Variants in CELF5 observed in about 807,000 individuals in gnomAD.
CELF5 encodes CUGBP Elav-like family member 5, also known as CUG-BP and ETR-3 like factor 5.
In CELF5, 6 loss-of-function variants were observed where a neutral mutation model predicts 54.9. That is an observed-to-expected ratio of 0.11 (90% CI 0.06 to 0.22). CELF5 has a LOEUF of 0.22. Among genes scored for constraint, CELF5 ranks in the 10% least tolerant of loss-of-function variants. CELF5 has a pLI of 1.00. For synonymous variants in CELF5, 271 were observed against 290.9 expected, an observed-to-expected ratio of 0.93 and a Z score of 0.70; for missense variants, 401 against 678.6, an observed-to-expected ratio of 0.59 and a Z score of 4.54.
chr19:3,257,870 A>C (rs1599427768), intron 2 of CELF5, among the ~76,000 whole-genome samples: 1 of 150,216 alleles, frequency 6.7e-6, no homozygotes, highest in Non-Finnish European at 1.5e-5. Context: ...CCAGGCTGGA[A>C]TGCAGTGGTG....
In CELF5 at chr19:3,278,134, G is replaced by A. The variant is rs781281870; in HGVS notation, c.603+24G>A. The A allele has an allele frequency of 3.0e-5, 44 of 1,469,418 alleles. No homozygotes were observed. The highest frequency in any genetic ancestry group is 1.8e-4 in the Middle Eastern group (1 of 5,548). 91.0% of individuals were successfully genotyped at this position (1,469,418 alleles called of 1,614,324 possible). A position where few individuals can be genotyped will look rare whatever the true frequency, so the allele number is the denominator to read the frequency against. On this transcript the variant is annotated intron_variant, in intron 5 of 12. Transcript: ENST00000292672. This position sits in a 1 kb window ranked among gnomAD's most constrained non-coding sequence, Gnocchi z 4.5. ...CGGTGAGTTGGAGCTGCCCTTGGCC[G>A]TGGGGGTGGGGGTGGGAAAGGGGTG...
chr19:3,279,891 C>G (rs538122748), intron 5 of CELF5, among the ~76,000 whole-genome samples: 4 of 152,098 alleles, frequency 2.6e-5, no homozygotes, highest in Non-Finnish European at 5.9e-5. Flanking sequence ...GTAGTAGAGA[C>G]GGGGTTTCAC....
At chr19:3,247,459 G>A (rs143970747) in intron 1 of CELF5, among the ~76,000 whole-genome samples, 1 of 151,218 alleles carries the variant, frequency 6.6e-6, no homozygotes, top group Non-Finnish European at 1.5e-5. Context: ...ATGGGTTTTC[G>A]CCATGTTGCC....
chr19:3,273,726 TTGAC>T (rs2080002193), intron 2 of CELF5, 142 bp from the exon 3 acceptor site: 1 of 648,104 alleles, frequency 1.5e-6, no homozygotes, highest in Non-Finnish European at 2.8e-6. Flanking sequence ...TGTAATTTCT[TTGAC>T]TGGGGTGTTA....
chr19:3,277,408 G>T (rs2080073970), intron 4 of CELF5, among the ~76,000 whole-genome samples: 1 of 152,180 alleles, frequency 6.6e-6, no homozygotes, highest in Admixed American at 6.5e-5. Flanking sequence ...GGAGGCAGAT[G>T]TTGCAGTGAG....
At chr19:3,235,712 G>A (rs370540887) in intron 1 of CELF5, among the ~76,000 whole-genome samples, 10 of 144,984 alleles carry the variant, frequency 6.9e-5, no homozygotes, top group Admixed American at 6.8e-4. Flanking sequence ...ATGGATGGAT[G>A]GATGTGTGGA....
chr19:3,249,321 C>A (rs1321853639), intron 1 of CELF5, among the ~76,000 whole-genome samples: 1 of 152,156 alleles, frequency 6.6e-6, no homozygotes, highest in Non-Finnish European at 1.5e-5. Flanking sequence ...CCCTACCCCA[C>A]CTTGGGGAAA....
chr19:3,290,459 G>C, intron 11 of CELF5, 85 bp downstream of exon 11: 1 of 1,464,512 alleles, frequency 6.8e-7, no homozygotes, highest in South Asian at 1.2e-5. Context: ...GGTCGGCCTC[G>C]GGACAGGGCT....
At chr19:3,242,429 G>A (rs1043505738) in intron 1 of CELF5, among the ~76,000 whole-genome samples, 1 of 152,132 alleles carries the variant, frequency 6.6e-6, no homozygotes, top group African/African-American at 2.4e-5. Flanking sequence ...CCAGTACTTT[G>A]GGAGGCTGAG....
chr19:3,291,270 A>C (rs1304641498), intron 11 of CELF5, among the ~76,000 whole-genome samples: 1 of 151,424 alleles, frequency 6.6e-6, no homozygotes, highest in Non-Finnish European at 1.5e-5. Flanking sequence ...TGTCTCATAC[A>C]AAAAAACAAA....
In CELF5 at chr19:3,274,165, G is replaced by A. The variant is rs554069891; in HGVS notation, c.394+242G>A. On this transcript the variant is annotated intron_variant, in intron 3 of 12. Coordinates refer to ENST00000292672, the MANE Select transcript of CELF5 (RefSeq NM_021938.4). ...TCCATAGGCCCCAAGGGAGGATGGGGGGTCTAGCCAGGTCCAGCTGCCTTC... is the reference window on the plus strand; with the variant it reads ...TCCATAGGCCCCAAGGGAGGATGGGAGGTCTAGCCAGGTCCAGCTGCCTTC... Among the ~76,000 whole-genome samples the A allele has an allele frequency of 2.2e-3, 328 of 151,990 alleles. 1 individual carries two copies. The highest frequency in any genetic ancestry group is 3.1e-3 in the Non-Finnish European group (214 of 67,950).
At chr19:3,285,846 C>T (rs1015787401) in intron 9 of CELF5, 96 bp from the exon 10 acceptor site, 3 of 742,856 alleles carry the variant, frequency 4.0e-6, no homozygotes, top group Non-Finnish European at 6.1e-6. Flanking sequence ...TTGGCCCCAC[C>T]CTCTTATGGC....
intron 2 of CELF5, among the ~76,000 whole-genome samples, chr19:3,262,262 C>G (rs1213281367): frequency 6.6e-6 from 1 of 152,138 alleles, no homozygotes; most frequent in Non-Finnish European, 1.5e-5. Flanking sequence ...CTCCTGACCT[C>G]AGGGGATCCG....
intron 9 of CELF5, among the ~76,000 whole-genome samples, chr19:3,285,452 C>T (rs574866646): frequency 1.3e-5 from 2 of 150,914 alleles, no homozygotes; most frequent in Admixed American, 6.6e-5. Context: ...GCTGCGGCCC[C>T]GCCCCTTAAC....
intron 12 of CELF5, chr19:3,294,109 C>T (rs1297772798): frequency 2.0e-5 from 3 of 152,162 alleles, no homozygotes; most frequent in Admixed American, 6.6e-5. Flanking sequence ...GGATTCGTGC[C>T]CCACCCACCA....
chr19:3,238,095 T>G (rs566283616), intron 1 of CELF5, among the ~76,000 whole-genome samples: 1 of 152,304 alleles, frequency 6.6e-6, no homozygotes, highest in South Asian at 2.1e-4. Context: ...GGGTCACGCC[T>G]GTAATCCCAG....
intron 2 of CELF5, among the ~76,000 whole-genome samples, chr19:3,267,521 C>T (rs1340251033): frequency 1.3e-5 from 2 of 152,184 alleles, no homozygotes; most frequent in Non-Finnish European, 2.9e-5. Flanking sequence ...GCCTGGGGTT[C>T]CTGGAGACAG....
At chr19:3,250,066 G>C (rs2145058236) in intron 1 of CELF5, among the ~76,000 whole-genome samples, 1 of 152,234 alleles carries the variant, frequency 6.6e-6, no homozygotes, top group South Asian at 2.1e-4. Flanking sequence ...TGGAACGGGT[G>C]GAAAACACTG....
At chr19:3,277,788 C>G (rs1259253950) in intron 4 of CELF5, among the ~76,000 whole-genome samples, 1 of 151,972 alleles carries the variant, frequency 6.6e-6, no homozygotes, top group East Asian at 1.9e-4. Context: ...TGTGGGTGAC[C>G]AGGTCTTTGT....
Sources: gnomAD v4.1 joint callset for allele counts (sites outside exome capture counted in the v4.1 genomes callset) on GRCh38, gnomAD v4.1.1 for gene constraint, Gnocchi (gnomAD v3.1) non-coding constraint, MANE v1.5 for transcripts, NCBI Gene and HGNC (gene_info 2026-07-23, HGNC 2026-07-21) for gene names.